The following KLHDC4 variants were observed in gnomAD, a reference collection of about 807,000 sequenced individuals.
KLHDC4 encodes the protein kelch domain containing 4, also known as kelch domain-containing protein 4.
In KLHDC4, 90 loss-of-function variants were observed where a neutral mutation model predicts 62.4. The observed-to-expected ratio is 1.44, with a 90% CI of 1.22 to 1.72. KLHDC4 has a LOEUF of 1.72. KLHDC4 is among the 40% of genes most tolerant of loss of function. The pLI, the probability that KLHDC4 is intolerant of heterozygous loss-of-function variation, is 0.00. For synonymous variants in KLHDC4, 386 were observed against 284.4 expected, an observed-to-expected ratio of 1.36 and a Z score of -3.59; for missense variants, 1,025 against 699.7, an observed-to-expected ratio of 1.47 and a Z score of -5.25.
At chr16:87,699,248 C>T (rs1233520103) in exon 1 of KLHDC4, 2 of 152,276 alleles carry the variant, frequency 1.3e-5, no homozygotes, top group African/African-American at 2.4e-5. Context: ...TTCAGTAGCG[C>T]ACAGAATGTG....
Position 87,765,968 on chromosome 16 carries a change from G to T in KLHDC4, c.-78C>A, listed in dbSNP as rs1021483569. The T allele has an allele frequency of 4.8e-5, 67 of 1,397,492 alleles. No individual in the cohort carries two copies. Among genetic ancestry groups the T allele is most frequent in the Non-Finnish European group, 6.1e-5 (62 of 1,015,768 alleles). The allele number at this position is 1,397,492 out of a possible 1,614,324, so 86.6% of individuals were successfully genotyped here. ...TCTCCGCTCGGAAACAGGTGCTCGT[G>T]GGGCGGAGCTCGGCGCACAGAAATG... On this transcript the variant is annotated 5_prime_UTR_variant, in exon 1 of 12. Transcript: ENST00000270583.
At chr16:87,739,402 C>T (rs868820390) in intron 5 of KLHDC4, among the ~76,000 whole-genome samples, 2 of 125,480 alleles carry the variant, frequency 1.6e-5, no homozygotes, top group Non-Finnish European at 3.4e-5. Flanking sequence ...CACACCAGCA[C>T]CTCATCCACA....
chr16:87,757,877 G>A (rs1177570531), intron 2 of KLHDC4, among the ~76,000 whole-genome samples: 5 of 152,094 alleles, frequency 3.3e-5, no homozygotes, highest in African/African-American at 1.2e-4. Flanking sequence ...GGGAGACAGA[G>A]CAAGACTGTC....
chr16:87,714,715 G>A lies in KLHDC4; in HGVS notation c.760-142C>T, dbSNP rs1597415722. On this transcript the variant is annotated intron_variant, in intron 7 of 11. Transcript: ENST00000270583. ...AGCCCCAAAGCTCCAAAGCGTGCCT[G>A]CAGTGTGCTCAGGGCTGGCACCACC... 4 of 853,148 alleles carry A rather than the reference G, an allele frequency of 4.7e-6. No homozygotes were observed. In the East Asian group the frequency reaches 1.0e-4, roughly 21 times the overall value. The allele number at this position is 853,148 out of a possible 1,614,324, so 52.8% of individuals were successfully genotyped here.
At chr16:87,756,529 G>C in intron 2 of KLHDC4, 52 bp from the exon 3 acceptor site, 1 of 1,324,158 alleles carries the variant, frequency 7.6e-7, no homozygotes, top group Non-Finnish European at 1.1e-6. Flanking sequence ...ATACCCACCT[G>C]AGCGCTGTCC....
chr16:87,747,121 G>C (rs982520651), intron 5 of KLHDC4, among the ~76,000 whole-genome samples: 1 of 152,210 alleles, frequency 6.6e-6, no homozygotes, highest in Non-Finnish European at 1.5e-5. Context: ...AACCAGCAAA[G>C]CCTGAAGGCA....
In KLHDC4 at chr16:87,712,641, G is replaced by C. The variant is rs563111419; in HGVS notation, c.836-1198C>G. 5.9e-5 allele frequency among the ~76,000 whole-genome samples: 9 copies of C among 152,380 alleles called. No homozygotes were observed. The East Asian group carries it at 1.7e-3, about 29-fold the overall frequency. The stretch of plus-strand genomic sequence containing the variant: ...AGAAGGCGTCTGTCCTATCAGCCAG[G>C]GTGCAGTAAGGCAGGGCCCTGGGAG... On this transcript the variant is annotated intron_variant, in intron 8 of 11. Coordinates refer to ENST00000270583, the MANE Select transcript of KLHDC4 (RefSeq NM_017566.4).
intron 7 of KLHDC4, among the ~76,000 whole-genome samples, chr16:87,717,880 GTCT>G (rs2037323832): frequency 6.6e-6 from 1 of 152,170 alleles, no homozygotes; most frequent in African/African-American, 2.4e-5. Context: ...CAGCAACATT[GTCT>G]TCTTAGAATT....
At chr16:87,716,172 A>G (rs1236450697) in intron 7 of KLHDC4, among the ~76,000 whole-genome samples, 1 of 149,844 alleles carries the variant, frequency 6.7e-6, no homozygotes, top group African/African-American at 2.4e-5. Context: ...TGTCTCGTGG[A>G]TATTGACGTA....
intron 6 of KLHDC4, among the ~76,000 whole-genome samples, chr16:87,729,120 C>T (rs1597553941): frequency 6.6e-6 from 1 of 152,112 alleles, no homozygotes; most frequent in East Asian, 1.9e-4. Context: ...ATCTTTCCCC[C>T]TTGAAAAGTA....
At chr16:87,724,278 G>T (rs1198142286) in intron 7 of KLHDC4, among the ~76,000 whole-genome samples, 1 of 152,194 alleles carries the variant, frequency 6.6e-6, no homozygotes, top group Admixed American at 6.5e-5. Flanking sequence ...ATCATTTTTA[G>T]AGAAAAATAA....
rs1229151178 is a variant in KLHDC4, at chr16:87,729,631, C to A, written c.599+921G>T. 7.9e-5 allele frequency among the ~76,000 whole-genome samples: 12 copies of A among 152,366 alleles called. No individual in the cohort carries two copies. The East Asian group carries it at 2.3e-3, about 29-fold the overall frequency. On this transcript the variant is annotated intron_variant, in intron 6 of 11. Coordinates refer to ENST00000270583, the MANE Select transcript of KLHDC4 (RefSeq NM_017566.4). ...TAACAGGCCTAAAACAATGAGAGAG[C>A]CCGCAGCTCACCCTGGGCAGCCATG...
chr16:87,750,317 G>C (rs747731531), intron 4 of KLHDC4: 16 of 152,306 alleles, frequency 1.1e-4, no homozygotes, highest in Non-Finnish European at 2.1e-4. Flanking sequence ...ACGCTGGAGG[G>C]GCCCCTCAGT....
intron 5 of KLHDC4, among the ~76,000 whole-genome samples, chr16:87,737,487 C>G (rs1168991572): frequency 2.6e-5 from 4 of 152,066 alleles, no homozygotes; most frequent in Admixed American, 6.6e-5. Context: ...ACTTGGAAAG[C>G]TGAGGCAAGA....
intron 3 of KLHDC4, chr16:87,755,741 C>G (rs910596944): frequency 5.6e-6 from 1 of 178,218 alleles, no homozygotes; most frequent in African/African-American, 2.4e-5. Context: ...ATTTTTGTAT[C>G]GTTAGCAGAG....
At chr16:87,698,734 C>G (rs4843677) in exon 1 of KLHDC4, 149,607 of 152,394 alleles carry the variant, frequency 0.98, 73,454 homozygotes, top group Middle Eastern at 1. Flanking sequence ...GGTGATTAAG[C>G]AGAAGGCTGC....
At chr16:87,764,940 G>C (rs1432435111) in intron 1 of KLHDC4, 2 of 350,970 alleles carry the variant, frequency 5.7e-6, no homozygotes, top group East Asian at 7.4e-5. Flanking sequence ...AGGAAGAAAA[G>C]GGACAAAGGA....
chr16:87,749,256 T>A (rs2043519386), intron 4 of KLHDC4, among the ~76,000 whole-genome samples: 1 of 152,134 alleles, frequency 6.6e-6, no homozygotes, highest in South Asian at 2.1e-4. Context: ...AATGTGCACG[T>A]AAAAGAAAGT....
intron 5 of KLHDC4, chr16:87,747,637 G>C (rs1487825773): frequency 1.3e-5 from 2 of 152,390 alleles, no homozygotes. Context: ...GCCCAGGGCA[G>C]GGAATCTGTC....
Sources: gnomAD v4.1 joint callset for allele counts (sites outside exome capture counted in the v4.1 genomes callset) on GRCh38, gnomAD v4.1.1 for gene constraint, MANE v1.5 for transcripts, NCBI Gene and HGNC (gene_info 2026-07-23, HGNC 2026-07-21) for gene names.